Variants in DTNB observed in about 807,000 individuals in gnomAD.
DTNB encodes dystrobrevin beta, also known as DTN-B.
Under a neutral mutation model 90.7 loss-of-function variants are expected in DTNB, and 63 were observed. The ratio of observed to expected loss-of-function variants is 0.69; its 90% CI spans 0.57 to 0.86. The LOEUF (loss-of-function observed/expected upper bound fraction) is 0.86. Ranked by LOEUF, DTNB falls within the 40% of genes least tolerant of loss-of-function variation. The pLI is 0.00. For synonymous variants in DTNB, 277 were observed against 286.7 expected (o/e 0.97, Z 0.34); for missense variants, 744 against 807.1 (o/e 0.92, Z 0.95).
intron 9 of DTNB, among the ~76,000 whole-genome samples, chr2:25,511,589 C>T (rs141283876): frequency 0.025 from 3,750 of 152,288 alleles, 150 homozygotes; most frequent in African/African-American, 0.086. Flanking sequence ...GCCTCGGCCT[C>T]CCAAAGTGCT....
At chr2:25,439,910 A>C (rs1041515878) in intron 12 of DTNB, among the ~76,000 whole-genome samples, 2 of 152,198 alleles carry the variant, frequency 1.3e-5, no homozygotes, top group African/African-American at 4.8e-5. Context: ...CAAGTAGCAA[A>C]GGCAGAACTC....
chr2:25,459,592 C>T (rs868347719), intron 10 of DTNB, among the ~76,000 whole-genome samples: 3 of 152,136 alleles, frequency 2.0e-5, no homozygotes, highest in Non-Finnish European at 1.5e-5. Flanking sequence ...CTCCTGGGTT[C>T]AAGTGATTCT....
At chr2:25,619,799 T>G (rs1342682476) in intron 4 of DTNB, among the ~76,000 whole-genome samples, 1 of 152,232 alleles carries the variant, frequency 6.6e-6, no homozygotes, top group East Asian at 1.9e-4. Context: ...CCTAGCACTT[T>G]GAGAGGCCGA....
chr2:25,603,195 A>G (rs1573251407), intron 5 of DTNB, among the ~76,000 whole-genome samples: 1 of 152,206 alleles, frequency 6.6e-6, no homozygotes, highest in East Asian at 1.9e-4. Flanking sequence ...CTTCGAAAAC[A>G]AATAGCAGAA....
rs138025828 is a variant in DTNB at position 25,658,118 on chromosome 2, G to A, written c.-1-5457C>T. On this transcript the variant is annotated intron_variant, in intron 1 of 20. Transcript: ENST00000406818. ...CTAAAAGTACAAAAATGATCTGGGCGTGGTGGCACACACCTGTAGTCCCAG... is the reference window on the plus strand; with the variant it reads ...CTAAAAGTACAAAAATGATCTGGGCATGGTGGCACACACCTGTAGTCCCAG... Among the ~76,000 whole-genome samples the A allele has an allele frequency of 1.7e-3, 265 of 152,040 alleles. 3 individuals are homozygous for A. The highest frequency in any genetic ancestry group is 9.8e-3 in the Admixed American group (150 of 15,266).
At chr2:25,531,945 A>G (rs2078282942) in intron 8 of DTNB, among the ~76,000 whole-genome samples, 1 of 152,120 alleles carries the variant, frequency 6.6e-6, no homozygotes, top group Non-Finnish European at 1.5e-5. Flanking sequence ...TCCTGATCAG[A>G]GTCGGAACTT....
At chr2:25,503,666 G>A (rs2071441543) in intron 9 of DTNB, among the ~76,000 whole-genome samples, 5 of 152,074 alleles carry the variant, frequency 3.3e-5, no homozygotes, top group Admixed American at 3.3e-4. Context: ...TGTAATCCTA[G>A]CACTTTGGGA....
intron 6 of DTNB, 30 bp downstream of exon 6, chr2:25,596,056 T>C (rs761022199): frequency 6.5e-7 from 1 of 1,546,342 alleles, no homozygotes; most frequent in Non-Finnish European, 8.7e-7. Context: ...AGCGCTCTTC[T>C]AGCCCTAGAT....
chr2:25,499,967 C>T (rs895388117), intron 9 of DTNB, among the ~76,000 whole-genome samples: 4 of 152,304 alleles, frequency 2.6e-5, no homozygotes, highest in African/African-American at 7.2e-5. Flanking sequence ...ATGATTATAG[C>T]TCACTACAAC....
intron 3 of DTNB, among the ~76,000 whole-genome samples, chr2:25,632,841 G>C (rs2076066873): frequency 6.6e-6 from 1 of 152,158 alleles, no homozygotes; most frequent in African/African-American, 2.4e-5. Context: ...CAAAGGACTT[G>C]CCACAAACAT....
chr2:25,387,488 C>CTGTGT lies in DTNB; in HGVS notation c.1736-111_1736-110insACACA. The CTGTGT allele has an allele frequency of 9.9e-7, 1 of 1,012,430 alleles. No homozygotes were observed. Among genetic ancestry groups the CTGTGT allele is most frequent in the Non-Finnish European group, 1.5e-6 (1 of 686,010 alleles). 62.7% of individuals were successfully genotyped at this position (1,012,430 alleles called of 1,614,324 possible). ...GCCCGAGAACACAGGTGTGGAACAC[C>CTGTGT]TAAGGGGAGATGGGGCCACAGCAGC... On this transcript the variant is annotated intron_variant, in intron 17 of 20. Transcript: ENST00000406818. The surrounding 1 kb of genome is among the most constrained non-coding windows in gnomAD (Gnocchi z 4.5).
intron 16 of DTNB, among the ~76,000 whole-genome samples, chr2:25,409,530 G>A (rs1047068365): frequency 2.0e-5 from 3 of 152,212 alleles, no homozygotes; most frequent in Admixed American, 6.5e-5. Flanking sequence ...TTGTTCAGTG[G>A]AGTGACATTA....
intron 12 of DTNB, among the ~76,000 whole-genome samples, chr2:25,437,132 C>T (rs1261131179): frequency 1.3e-5 from 2 of 152,142 alleles, no homozygotes; most frequent in African/African-American, 4.8e-5. Flanking sequence ...CAGCAGTTCC[C>T]CTAGGGGCAG....
intron 1 of DTNB, among the ~76,000 whole-genome samples, chr2:25,657,589 G>T (rs1043745651): frequency 6.6e-6 from 1 of 152,010 alleles, no homozygotes; most frequent in African/African-American, 2.4e-5. Flanking sequence ...GCAGGCTGGT[G>T]CACACCTGTA....
At chr2:25,377,818 G>A (rs1489678853) in intron 20 of DTNB, among the ~76,000 whole-genome samples, 1 of 152,216 alleles carries the variant, frequency 6.6e-6, no homozygotes, top group Non-Finnish European at 1.5e-5. Context: ...TGGCCCAGGA[G>A]AAGGGCAGGG....
intron 9 of DTNB, among the ~76,000 whole-genome samples, 162 bp from the exon 10 acceptor site, chr2:25,483,035 G>A (rs1002772199): frequency 6.6e-6 from 1 of 151,666 alleles, no homozygotes; most frequent in African/African-American, 2.4e-5. Flanking sequence ...GGAGGCCCAT[G>A]GGGAGGTGGG....
chr2:25,469,213 C>T (rs1482781706), intron 10 of DTNB, among the ~76,000 whole-genome samples: 2 of 152,156 alleles, frequency 1.3e-5, no homozygotes, highest in Admixed American at 6.5e-5. Context: ...CAGAAAGTGA[C>T]ATCAAAGTTG....
chr2:25,545,794 G>A (rs141587034), intron 8 of DTNB, among the ~76,000 whole-genome samples: 2 of 152,180 alleles, frequency 1.3e-5, no homozygotes, highest in Admixed American at 1.3e-4. Flanking sequence ...GCTAATTTCT[G>A]TATTTTTAGT....
intron 9 of DTNB, among the ~76,000 whole-genome samples, chr2:25,490,083 C>G (rs911364813): frequency 5.3e-5 from 8 of 152,196 alleles, no homozygotes; most frequent in Non-Finnish European, 1.2e-4. Flanking sequence ...CGAGACCAGC[C>G]TGAGCAACAT....
Sources: gnomAD v4.1 joint callset for allele counts (sites outside exome capture counted in the v4.1 genomes callset) on GRCh38, gnomAD v4.1.1 for gene constraint, Gnocchi (gnomAD v3.1) non-coding constraint, MANE v1.5 for transcripts, NCBI Gene and HGNC (gene_info 2026-07-23, HGNC 2026-07-21) for gene names.